The following NKAIN2 variants were observed in gnomAD, a reference collection of about 807,000 sequenced individuals.
NKAIN2 encodes the protein sodium/potassium transporting ATPase interacting 2, also known as sodium/potassium-transporting ATPase subunit beta-1-interacting protein 2.
NKAIN2 carries 14 observed loss-of-function variants against 32.6 expected under a neutral mutation model. That is an observed-to-expected ratio of 0.43 (90% CI 0.28 to 0.67). NKAIN2 has a LOEUF of 0.67. Ranked by LOEUF, NKAIN2 falls within the 30% of genes least tolerant of loss-of-function variation. The probability of loss-of-function intolerance (pLI) is 0.17; values close to 1 mark genes in which losing one functional copy is unlikely to be tolerated. For synonymous variants in NKAIN2, 80 were observed against 87.2 expected (o/e 0.92, Z 0.46); for missense variants, 198 against 258.3 (o/e 0.77, Z 1.60).
At chr6:124,192,460 A>G (rs1192503656) in intron 1 of NKAIN2, among the ~76,000 whole-genome samples, 1 of 152,184 alleles carries the variant, frequency 6.6e-6, no homozygotes, top group Non-Finnish European at 1.5e-5. Context: ...AACATATTGT[A>G]TAAGACATCA....
intron 1 of NKAIN2, among the ~76,000 whole-genome samples, chr6:124,107,786 G>T (rs1305095889): frequency 1.3e-5 from 2 of 152,030 alleles, no homozygotes; most frequent in Non-Finnish European, 2.9e-5. Context: ...ATAAGTATCT[G>T]CCCTTTTCTG....
chr6:124,413,797 T>C (rs560647937), intron 3 of NKAIN2, among the ~76,000 whole-genome samples: 1 of 152,312 alleles, frequency 6.6e-6, no homozygotes, highest in South Asian at 2.1e-4. Context: ...TTTTTGATCA[T>C]ACTGGAAATG....
intron 4 of NKAIN2, among the ~76,000 whole-genome samples, chr6:124,668,075 C>A (rs1026248551): frequency 6.6e-6 from 1 of 152,082 alleles, no homozygotes; most frequent in African/African-American, 2.4e-5. Context: ...ACACTTGTCC[C>A]GACTGCCGTT....
chr6:124,762,079 G>A (rs1778294164), intron 4 of NKAIN2, among the ~76,000 whole-genome samples: 1 of 152,004 alleles, frequency 6.6e-6, no homozygotes, highest in Non-Finnish European at 1.5e-5. Flanking sequence ...GTTTACCAAG[G>A]GCTGCTATAA....
intron 4 of NKAIN2, among the ~76,000 whole-genome samples, chr6:124,678,891 A>G (rs1257347762): frequency 2.6e-5 from 4 of 152,096 alleles, no homozygotes; most frequent in African/African-American, 7.2e-5. Flanking sequence ...AACTTCTCAA[A>G]CCTTTTCTAT....
chr6:124,817,357 A>T (rs1463261971), intron 5 of NKAIN2, among the ~76,000 whole-genome samples: 1 of 151,976 alleles, frequency 6.6e-6, no homozygotes, highest in Non-Finnish European at 1.5e-5. Flanking sequence ...GGACACCCCG[A>T]TTGAAAGGTA....
At chr6:124,431,687 T>C (rs1377893271) in intron 3 of NKAIN2, among the ~76,000 whole-genome samples, 1 of 152,182 alleles carries the variant, frequency 6.6e-6, no homozygotes, top group African/African-American at 2.4e-5. Flanking sequence ...ATGATTTAAT[T>C]AATTAGAACA....
chr6:124,812,670 G>A (rs1008759513), intron 5 of NKAIN2, among the ~76,000 whole-genome samples: 3 of 151,886 alleles, frequency 2.0e-5, no homozygotes, highest in Admixed American at 1.3e-4. Flanking sequence ...TCACTTAGAT[G>A]TACTACTTAT....
At chr6:123,874,773 G>GA (rs1043766690) in intron 1 of NKAIN2, among the ~76,000 whole-genome samples, 3 of 151,792 alleles carry the variant, frequency 2.0e-5, no homozygotes, top group African/African-American at 7.3e-5. Context: ...GTAGAAAATT[G>GA]AAAAAATTAT....
intron 4 of NKAIN2, among the ~76,000 whole-genome samples, chr6:124,665,830 T>A (rs963380086): frequency 2.0e-5 from 3 of 152,172 alleles, no homozygotes; most frequent in African/African-American, 4.8e-5. Flanking sequence ...ATCAAGCCTT[T>A]CACACAACTA....
intron 1 of NKAIN2, among the ~76,000 whole-genome samples, chr6:124,130,481 GATA>G (rs1156260513): frequency 6.6e-6 from 1 of 151,904 alleles, no homozygotes; most frequent in Non-Finnish European, 1.5e-5. Flanking sequence ...ATCTGTACTA[GATA>G]ATAAAATAAT....
intron 1 of NKAIN2, among the ~76,000 whole-genome samples, chr6:123,970,312 A>C (rs1336209013): frequency 1.3e-5 from 2 of 152,186 alleles, no homozygotes; most frequent in African/African-American, 4.8e-5. Flanking sequence ...TTTGGTGAGA[A>C]AAACAACTAG....
chr6:124,467,210 T>C (rs556670480), intron 3 of NKAIN2, among the ~76,000 whole-genome samples: 1 of 152,220 alleles, frequency 6.6e-6, no homozygotes, highest in Admixed American at 6.5e-5. Context: ...TGCTTCCTTT[T>C]AACTTCACAA....
chr6:124,542,101 A>G (rs1449189418), intron 3 of NKAIN2, among the ~76,000 whole-genome samples: 1 of 152,114 alleles, frequency 6.6e-6, no homozygotes, highest in East Asian at 1.9e-4. Flanking sequence ...AGGGAAATAG[A>G]TAAATGCTAT....
chr6:124,255,181 T>C (rs1245925399), intron 1 of NKAIN2, among the ~76,000 whole-genome samples: 2 of 152,196 alleles, frequency 1.3e-5, no homozygotes, highest in Admixed American at 1.3e-4. Flanking sequence ...ATTGCATATT[T>C]TAGTGCTGTG....
At chr6:124,318,547 T>G (rs962770977) in intron 2 of NKAIN2, among the ~76,000 whole-genome samples, 1 of 152,042 alleles carries the variant, frequency 6.6e-6, no homozygotes, top group Non-Finnish European at 1.5e-5. Context: ...GTATCCCTCT[T>G]CTATCATTTA....
intron 1 of NKAIN2, among the ~76,000 whole-genome samples, chr6:124,257,122 A>C (rs1329295291): frequency 2.0e-5 from 3 of 151,908 alleles, no homozygotes; most frequent in Non-Finnish European, 2.9e-5. Context: ...CTGGTCATAC[A>C]AAAAAACCAT....
At chr6:124,609,235 C>A (rs941722548) in intron 3 of NKAIN2, among the ~76,000 whole-genome samples, 1 of 151,994 alleles carries the variant, frequency 6.6e-6, no homozygotes, top group Non-Finnish European at 1.5e-5. Flanking sequence ...TTCTCACAGC[C>A]CCAAGAGGAG....
At chr6:124,661,524 A>G (rs1266764494) in intron 4 of NKAIN2, among the ~76,000 whole-genome samples, 2 of 152,204 alleles carry the variant, frequency 1.3e-5, no homozygotes, top group African/African-American at 4.8e-5. Flanking sequence ...CACAAAGCCC[A>G]CATTTGCATC....
Sources: allele counts gnomAD v4.1 joint callset (sites outside exome capture counted in the v4.1 genomes callset), GRCh38; gene constraint gnomAD v4.1.1; transcripts MANE v1.5; gene names NCBI Gene and HGNC (gene_info 2026-07-23, HGNC 2026-07-21).